The following PCDH9 variants were observed in gnomAD, a reference collection of about 807,000 sequenced individuals.
PCDH9 encodes the protein protocadherin-9.
PCDH9 carries 24 observed loss-of-function variants against 70.6 expected under a neutral mutation model. The ratio of observed to expected loss-of-function variants is 0.34; its 90% CI spans 0.25 to 0.48. The LOEUF (loss-of-function observed/expected upper bound fraction) is 0.48, where lower values mean the gene tolerates loss of function less well. Ranked by LOEUF, PCDH9 falls within the 20% of genes least tolerant of loss-of-function variation. The pLI is 0.99. For missense variants in PCDH9, 1,281 were observed against 1,503.6 expected, an observed-to-expected ratio of 0.85 and a Z score of 2.45; for synonymous variants, 562 against 558.5, an observed-to-expected ratio of 1.01 and a Z score of -0.09.
At chr13:66,474,944 G>A (rs919873553) in intron 4 of PCDH9, among the ~76,000 whole-genome samples, 1 of 152,042 alleles carries the variant, frequency 6.6e-6, no homozygotes, top group African/African-American at 2.4e-5. Flanking sequence ...AAGAATAATT[G>A]ACAGTGTGTC....
At chr13:67,036,868 G>A (rs1159286255) in intron 2 of PCDH9, among the ~76,000 whole-genome samples, 4 of 152,146 alleles carry the variant, frequency 2.6e-5, no homozygotes, top group Admixed American at 6.5e-5. Flanking sequence ...AAGCCTTCGT[G>A]GTCTGAGAAG....
intron 4 of PCDH9, among the ~76,000 whole-genome samples, chr13:66,421,933 AC>A (rs1306612210): frequency 6.6e-6 from 1 of 152,234 alleles, no homozygotes; most frequent in African/African-American, 2.4e-5. Context: ...GCAAAGACAC[AC>A]ATAGGCTCAA....
Position 66,903,496 on chromosome 13 carries a change from T to A in PCDH9, c.3138+8A>T. 1 of 1,237,200 alleles carries A rather than the reference T, an allele frequency of 8.1e-7. No homozygotes were observed. Among genetic ancestry groups the A allele is most frequent in the Non-Finnish European group, 1.2e-6 (1 of 840,286 alleles). 76.6% of individuals were successfully genotyped at this position (1,237,200 alleles called of 1,614,324 possible). A position where few individuals can be genotyped will look rare whatever the true frequency, so the allele number is the denominator to read the frequency against. ...TACTAACATGTTCTCTATAGATATA[T>A]GGCATACCTCGTAATGGCTTTCTTC... On this transcript the variant is annotated splice_region_variant and intron_variant, in intron 3 of 4. Transcript: ENST00000377865.
intron 2 of PCDH9, among the ~76,000 whole-genome samples, chr13:67,162,534 TC>T (rs565514505): frequency 6.6e-6 from 1 of 152,310 alleles, no homozygotes; most frequent in African/African-American, 2.4e-5. Context: ...CAAAAGCCTT[TC>T]CTATCTGATC....
At chr13:67,014,698 G>T (rs2084523759) in intron 2 of PCDH9, among the ~76,000 whole-genome samples, 1 of 152,018 alleles carries the variant, frequency 6.6e-6, no homozygotes, top group South Asian at 2.1e-4. Flanking sequence ...TTCTTGGGAA[G>T]AAGTGGCCCA....
At chr13:66,996,208 T>C (rs1186120837) in intron 2 of PCDH9, 1 of 152,234 alleles carries the variant, frequency 6.6e-6, no homozygotes, top group Non-Finnish European at 1.5e-5. Context: ...TATTGAATGT[T>C]ACTATTTTTC....
intron 4 of PCDH9, among the ~76,000 whole-genome samples, chr13:66,594,424 T>C (rs1162495532): frequency 2.0e-5 from 3 of 151,884 alleles, no homozygotes; most frequent in Non-Finnish European, 4.4e-5. Flanking sequence ...CAGATTATAA[T>C]TGACTATGAT....
rs2078661150 is a variant in PCDH9, at chr13:66,702,596, A to C, written c.3139-71185T>G. On this transcript the variant is annotated intron_variant, in intron 3 of 4. Transcript: ENST00000377865. Reference sequence around the variant, plus strand: ...ATCACACACCAAACCCATGCCCCCCACCAGTATACAAAGGTAACTATGTGA... The same window carrying C: ...ATCACACACCAAACCCATGCCCCCCCCCAGTATACAAAGGTAACTATGTGA... 2.0e-5 allele frequency among the ~76,000 whole-genome samples: 3 copies of C among 152,196 alleles called. No homozygotes were observed. In the South Asian group the frequency reaches 6.2e-4, roughly 32 times the overall value.
intron 3 of PCDH9, among the ~76,000 whole-genome samples, chr13:66,774,854 T>C (rs1382183690): frequency 6.6e-6 from 1 of 152,228 alleles, no homozygotes; most frequent in South Asian, 2.1e-4. Flanking sequence ...GACAGCTTTG[T>C]TTTATTAATA....
chr13:66,336,261 T>G (rs1182691830), intron 4 of PCDH9, among the ~76,000 whole-genome samples: 1 of 145,450 alleles, frequency 6.9e-6, no homozygotes, highest in Non-Finnish European at 1.5e-5. Context: ...TTTGCAGGAT[T>G]TTTTTTTTTT....
intron 2 of PCDH9, among the ~76,000 whole-genome samples, chr13:67,104,604 A>C (rs1397016320): frequency 6.6e-6 from 1 of 151,472 alleles, no homozygotes; most frequent in Admixed American, 6.6e-5. Flanking sequence ...GCTGGAGTGC[A>C]GTGGTGCAAT....
chr13:66,569,460 A>G (rs1023800582), intron 4 of PCDH9, among the ~76,000 whole-genome samples: 9 of 152,146 alleles, frequency 5.9e-5, no homozygotes, highest in African/African-American at 2.2e-4. Flanking sequence ...ATATACAATT[A>G]TATGTCTTTT....
chr13:66,835,426 T>C (rs1027827986), intron 3 of PCDH9, among the ~76,000 whole-genome samples: 1 of 152,154 alleles, frequency 6.6e-6, no homozygotes, highest in Non-Finnish European at 1.5e-5. Flanking sequence ...ATGGTGATGG[T>C]GATATGGCAA....
chr13:66,814,585 G>A (rs1053000771), intron 3 of PCDH9, among the ~76,000 whole-genome samples: 8 of 151,974 alleles, frequency 5.3e-5, no homozygotes, highest in African/African-American at 1.7e-4. Flanking sequence ...AAAACTTAAC[G>A]TTTATCTCTC....
chr13:66,616,798 C>T (rs180737281), intron 4 of PCDH9, among the ~76,000 whole-genome samples: 49 of 152,236 alleles, frequency 3.2e-4, no homozygotes, highest in African/African-American at 1.2e-3. Flanking sequence ...AAATCCTTTC[C>T]TCTCCCTTGT....
chr13:66,993,325 T>C (rs1190001114), intron 2 of PCDH9, among the ~76,000 whole-genome samples: 1 of 152,228 alleles, frequency 6.6e-6, no homozygotes, highest in Non-Finnish European at 1.5e-5. Flanking sequence ...ATACTGAATA[T>C]GAAAACGTGA....
intron 3 of PCDH9, among the ~76,000 whole-genome samples, chr13:66,736,499 T>C (rs2079150989): frequency 6.6e-6 from 1 of 152,164 alleles, no homozygotes; most frequent in African/African-American, 2.4e-5. Flanking sequence ...TCAAGAACTG[T>C]TAGAAAATAA....
At chr13:66,451,068 TGAATG>T (rs1170947041) in intron 4 of PCDH9, among the ~76,000 whole-genome samples, 3 of 151,890 alleles carry the variant, frequency 2.0e-5, no homozygotes, top group Non-Finnish European at 4.4e-5. Context: ...AAATGACGAG[TGAATG>T]GGTGCAGCAC....
chr13:66,753,169 A>T (rs74093186), intron 3 of PCDH9, among the ~76,000 whole-genome samples: 2,233 of 152,258 alleles, frequency 0.015, 65 homozygotes, highest in African/African-American at 0.051. Context: ...AATATTTGTC[A>T]TTTACTTAGA....
Sources: allele counts gnomAD v4.1 joint callset (sites outside exome capture counted in the v4.1 genomes callset), GRCh38; gene constraint gnomAD v4.1.1; transcripts MANE v1.5; gene names NCBI Gene and HGNC (gene_info 2026-07-23, HGNC 2026-07-21).